Variants in PIP5K1B observed in about 807,000 individuals in gnomAD.
PIP5K1B encodes phosphatidylinositol-4-phosphate 5-kinase type 1 beta.
A neutral mutation model predicts 67.0 loss-of-function variants in PIP5K1B; 42 were observed. The ratio of observed to expected loss-of-function variants is 0.63; its 90% CI spans 0.49 to 0.81. PIP5K1B has a LOEUF of 0.81. PIP5K1B is among the 30% of genes least tolerant of loss of function. The pLI is 0.00. For synonymous variants in PIP5K1B, 214 were observed against 231.4 expected (o/e 0.92, Z 0.68); for missense variants, 459 against 646.3 (o/e 0.71, Z 3.14).
intron 14 of PIP5K1B, among the ~76,000 whole-genome samples, chr9:68,943,563 C>A (rs1440305084): frequency 1.3e-5 from 2 of 151,864 alleles, no homozygotes; most frequent in African/African-American, 4.8e-5. Flanking sequence ...CCCACCTAGT[C>A]CTATGTGGCA....
chr9:68,836,050 G>A (rs966610827), intron 4 of PIP5K1B, among the ~76,000 whole-genome samples: 4 of 152,050 alleles, frequency 2.6e-5, no homozygotes, highest in African/African-American at 9.7e-5. Context: ...CCCTCTTGAA[G>A]GACAGAGAGT....
At chr9:68,905,396 G>T (rs1297190135) in intron 8 of PIP5K1B, among the ~76,000 whole-genome samples, 1 of 152,116 alleles carries the variant, frequency 6.6e-6, no homozygotes, top group African/African-American at 2.4e-5. Context: ...TACAGATCAT[G>T]ATGCAAAACA....
At chr9:69,002,912 G>A (rs1830887771) in intron 15 of PIP5K1B, among the ~76,000 whole-genome samples, 1 of 152,228 alleles carries the variant, frequency 6.6e-6, no homozygotes. Context: ...GAACGCAGGA[G>A]GCGGAGGTTG....
At chr9:68,907,406 G>T (rs1451227858) in intron 8 of PIP5K1B, among the ~76,000 whole-genome samples, 2 of 151,760 alleles carry the variant, frequency 1.3e-5, no homozygotes, top group African/African-American at 2.4e-5. Context: ...CTTTAGTTTT[G>T]ATCATGTGCA....
intron 14 of PIP5K1B, among the ~76,000 whole-genome samples, chr9:68,977,421 G>A (rs1829681516): frequency 6.6e-6 from 1 of 152,190 alleles, no homozygotes; most frequent in African/African-American, 2.4e-5. Flanking sequence ...TACCTGGGAG[G>A]CTGAGGCACA....
intron 6 of PIP5K1B, among the ~76,000 whole-genome samples, chr9:68,888,723 T>A (rs1329213725): frequency 6.6e-6 from 1 of 152,220 alleles, no homozygotes; most frequent in Non-Finnish European, 1.5e-5. Context: ...ATAGGATGAT[T>A]CATGATTCTA....
At chr9:68,757,989 A>T (rs1168801879) in intron 2 of PIP5K1B, among the ~76,000 whole-genome samples, 3 of 152,176 alleles carry the variant, frequency 2.0e-5, no homozygotes, top group African/African-American at 7.2e-5. Context: ...AAGAGAGGTA[A>T]ATCTGGTTCC....
chr9:68,768,324 G>A (rs1203005532), intron 2 of PIP5K1B, among the ~76,000 whole-genome samples: 1 of 152,162 alleles, frequency 6.6e-6, no homozygotes, highest in Non-Finnish European at 1.5e-5. Flanking sequence ...ATATGTATGT[G>A]ACACACCCCA....
chr9:68,938,811 A>C (rs1020121444), intron 13 of PIP5K1B, among the ~76,000 whole-genome samples: 10 of 152,114 alleles, frequency 6.6e-5, no homozygotes, highest in Non-Finnish European at 1.2e-4. Flanking sequence ...CCTGGGGTCC[A>C]TCCACATTCC....
intron 4 of PIP5K1B, chr9:68,824,418 CA>C (rs1833883098): frequency 3.1e-6 from 1 of 320,098 alleles, no homozygotes; most frequent in African/African-American, 2.2e-5. Flanking sequence ...TTAATGTCTC[CA>C]GTAGGATATT....
chr9:68,970,477 A>C (rs1228067361), intron 14 of PIP5K1B, among the ~76,000 whole-genome samples: 1 of 152,218 alleles, frequency 6.6e-6, no homozygotes, highest in African/African-American at 2.4e-5. Flanking sequence ...CATCTGAGAT[A>C]ATCTTTCCCA....
At chr9:68,961,580 G>A (rs180747404) in intron 14 of PIP5K1B, among the ~76,000 whole-genome samples, 12 of 152,234 alleles carry the variant, frequency 7.9e-5, no homozygotes, top group Non-Finnish European at 1.6e-4. Context: ...CTGTGTAGTT[G>A]GGGAAACCTG....
chr9:68,869,816 T>C (rs187359298), intron 5 of PIP5K1B, among the ~76,000 whole-genome samples: 1 of 152,258 alleles, frequency 6.6e-6, no homozygotes, highest in East Asian at 1.9e-4. Context: ...CATCTCTTTA[T>C]ATTTAATAAA....
intron 1 of PIP5K1B, among the ~76,000 whole-genome samples, chr9:68,738,331 C>T (rs1385354928): frequency 2.4e-4 from 37 of 152,152 alleles, no homozygotes; most frequent in Admixed American, 2.4e-3. Context: ...TCTTGAATTT[C>T]ACCAATTAAA....
At chr9:68,871,022 C>T (rs1018329683) in intron 5 of PIP5K1B, among the ~76,000 whole-genome samples, 3 of 152,184 alleles carry the variant, frequency 2.0e-5, no homozygotes, top group Admixed American at 2.0e-4. Context: ...CCATTGCTTA[C>T]CACCACATCT....
chr9:68,877,070 T>G (rs542272712), intron 6 of PIP5K1B, among the ~76,000 whole-genome samples: 4 of 152,370 alleles, frequency 2.6e-5, no homozygotes, highest in African/African-American at 7.2e-5. Flanking sequence ...AGATATGTTA[T>G]AATTAGTTCT....
intron 4 of PIP5K1B, among the ~76,000 whole-genome samples, chr9:68,844,665 A>C (rs1230647719): frequency 6.6e-6 from 1 of 152,154 alleles, no homozygotes; most frequent in African/African-American, 2.4e-5. Flanking sequence ...TCTGACACCA[A>C]CTTTTATGAC....
chr9:68,989,669 C>A (rs1312671669), intron 14 of PIP5K1B, among the ~76,000 whole-genome samples: 1 of 151,988 alleles, frequency 6.6e-6, no homozygotes, highest in Non-Finnish European at 1.5e-5. Flanking sequence ...TAAATTAATA[C>A]CCAATTTTAA....
At chr9:68,965,944 A>T (rs1368475851) in intron 14 of PIP5K1B, among the ~76,000 whole-genome samples, 3 of 150,036 alleles carry the variant, frequency 2.0e-5, no homozygotes, top group African/African-American at 7.4e-5. Context: ...ACTGCACTCC[A>T]ACCTGGGTGA....
Sources: gnomAD v4.1 joint callset for allele counts (sites outside exome capture counted in the v4.1 genomes callset) on GRCh38, gnomAD v4.1.1 for gene constraint, MANE v1.5 for transcripts, NCBI Gene and HGNC (gene_info 2026-07-23, HGNC 2026-07-21) for gene names.